The following WLS variants were observed in gnomAD, a reference collection of about 807,000 sequenced individuals.
WLS encodes the protein Wnt ligand secretion mediator.
In WLS, 23 loss-of-function variants were observed where a neutral mutation model predicts 62.8. The ratio of observed to expected loss-of-function variants is 0.37; its 90% CI spans 0.26 to 0.52. The LOEUF (loss-of-function observed/expected upper bound fraction) is 0.52, where lower values mean the gene tolerates loss of function less well. Ranked by LOEUF, WLS falls within the 20% of genes least tolerant of loss-of-function variation. The probability of loss-of-function intolerance (pLI) is 0.92; values close to 1 mark genes in which losing one functional copy is unlikely to be tolerated. For missense variants in WLS, 615 were observed against 697.3 expected (o/e 0.88, Z 1.33); for synonymous variants, 246 against 244.1 (o/e 1.01, Z -0.07).
intron 11 of WLS, among the ~76,000 whole-genome samples, chr1:68,110,701 A>G (rs944667991): frequency 3.4e-5 from 5 of 146,614 alleles, no homozygotes; most frequent in African/African-American, 7.7e-5. Flanking sequence ...CCATATATAT[A>G]TGTGTGTGTA....
chr1:68,112,546 C>G (rs1646241675), intron 11 of WLS, among the ~76,000 whole-genome samples: 1 of 152,214 alleles, frequency 6.6e-6, no homozygotes, highest in Non-Finnish European at 1.5e-5. Flanking sequence ...TCATTGCCAC[C>G]CAAATAATGC....
chr1:68,220,616 T>C (rs568385096), intron 1 of WLS, among the ~76,000 whole-genome samples: 23 of 152,344 alleles, frequency 1.5e-4, no homozygotes, highest in Non-Finnish European at 2.4e-4. Context: ...TCCATCACTT[T>C]GAATGGAGAG....
intron 1 of WLS, among the ~76,000 whole-genome samples, chr1:68,194,886 C>T (rs1220195201): frequency 6.6e-6 from 1 of 152,142 alleles, no homozygotes; most frequent in African/African-American, 2.4e-5. Context: ...GACAGCAAAG[C>T]AACTTTGAAA....
At position 68,232,275 on chromosome 1, in the gene WLS, T is replaced by G. The variant is rs746323384; in HGVS notation, c.25A>C (p.Met9Leu). Reference protein sequence around the residue: MAGAIIENMSTKKLCIVGG... With the variant: MAGAIIENLSTKKLCIVGG... The stretch of plus-strand genomic sequence containing the variant: ...ACAATGCACAGCTTCTTGGTGCTCA[T>G]GTTTTCTATAATTGCCCCAGCCATT... Residue 9 changes from methionine to leucine, a missense_variant, in exon 1 of 12, where the codon ATG (methionine) becomes CTG (leucine). Transcript: ENST00000262348. The G allele has an allele frequency of 1.9e-6, 3 of 1,613,970 alleles. No homozygotes were observed. The Admixed American group carries it at 5.0e-5, about 27-fold the overall frequency.
intron 11 of WLS, among the ~76,000 whole-genome samples, chr1:68,115,423 A>G (rs1168101130): frequency 4.6e-5 from 7 of 152,212 alleles, no homozygotes; most frequent in Non-Finnish European, 8.8e-5. Context: ...TGGGGCCTAG[A>G]GCCAATTCAT....
chr1:68,131,949 G>A (rs1410844950), intron 11 of WLS, among the ~76,000 whole-genome samples: 1 of 152,192 alleles, frequency 6.6e-6, no homozygotes, highest in South Asian at 2.1e-4. Context: ...AGAAACCCAC[G>A]TTGGTGATAC....
chr1:68,139,616 C>T (rs1018056365), intron 10 of WLS, among the ~76,000 whole-genome samples: 1 of 152,156 alleles, frequency 6.6e-6, no homozygotes, highest in Admixed American at 6.5e-5. Flanking sequence ...AGTAAGAGAC[C>T]CTATTCCTGC....
At chr1:68,165,979 T>A (rs1647054314) in intron 2 of WLS, among the ~76,000 whole-genome samples, 1 of 152,208 alleles carries the variant, frequency 6.6e-6, no homozygotes, top group South Asian at 2.1e-4. Context: ...TAGATAGGAT[T>A]GCTTCCTTGC....
rs545463971 is a variant in WLS, at chr1:68,156,221, C to T, written c.505-961G>A. On this transcript the variant is annotated intron_variant, in intron 3 of 11. Transcript: ENST00000262348. Reference sequence around the variant, plus strand: ...GATATAGAAGATGAGAGTCTACCATCAATGTTGGGTTTCTATGTCAGCTTC... The same window carrying T: ...GATATAGAAGATGAGAGTCTACCATTAATGTTGGGTTTCTATGTCAGCTTC... Among the ~76,000 whole-genome samples, 4 of 152,264 alleles carry T rather than the reference C, an allele frequency of 2.6e-5. No homozygotes were observed. In the East Asian group the frequency reaches 7.7e-4, roughly 29 times the overall value.
rs779940360 is a variant in WLS, at chr1:68,232,307, C to T, written c.-8G>A. 4.3e-6 allele frequency: 7 copies of T among 1,612,488 alleles called. No homozygotes were observed. Among genetic ancestry groups the T allele is most frequent in the Admixed American group, 3.3e-5 (2 of 59,846 alleles). ...TATAATTGCCCCAGCCATTTTTGCG[C>T]CCCCCCTTTTTCTTTTCTCCTTGAA... On this transcript the variant is annotated 5_prime_UTR_variant, in exon 1 of 12. Transcript: ENST00000262348.
intron 11 of WLS, among the ~76,000 whole-genome samples, chr1:68,118,531 C>T (rs1366248325): frequency 6.6e-6 from 1 of 152,172 alleles, no homozygotes; most frequent in Non-Finnish European, 1.5e-5. Context: ...CACCAATATA[C>T]TTCACAATGA....
At chr1:68,156,680 A>G (rs572802389) in intron 3 of WLS, among the ~76,000 whole-genome samples, 1 of 152,326 alleles carries the variant, frequency 6.6e-6, no homozygotes, top group African/African-American at 2.4e-5. Context: ...GGCATGTGAG[A>G]TTTTTAAAAA....
intron 11 of WLS, among the ~76,000 whole-genome samples, chr1:68,133,489 C>G (rs1007085835): frequency 2.0e-5 from 3 of 152,076 alleles, no homozygotes; most frequent in Non-Finnish European, 4.4e-5. Flanking sequence ...GTCACTCCTT[C>G]GAGCTTCACT....
intron 11 of WLS, among the ~76,000 whole-genome samples, chr1:68,131,689 C>T (rs562592162): frequency 6.6e-6 from 1 of 152,144 alleles, no homozygotes; most frequent in Admixed American, 6.5e-5. Flanking sequence ...TGTATCTCCC[C>T]CAAACTCTCA....
intron 11 of WLS, among the ~76,000 whole-genome samples, chr1:68,129,302 G>A (rs1396139904): frequency 1.4e-5 from 2 of 145,768 alleles, no homozygotes; most frequent in African/African-American, 5.1e-5. Flanking sequence ...TCCAGCCTGG[G>A]TGAGAGAGTG....
intron 2 of WLS, among the ~76,000 whole-genome samples, chr1:68,181,303 T>C (rs546849251): frequency 5.3e-5 from 8 of 152,344 alleles, no homozygotes; most frequent in Non-Finnish European, 7.3e-5. Flanking sequence ...GCTTCTGGCT[T>C]CTCTGCTCTT....
intron 11 of WLS, chr1:68,100,815 C>CT (rs1469175585): frequency 1.3e-5 from 2 of 152,158 alleles, no homozygotes; most frequent in African/African-American, 4.8e-5. Flanking sequence ...AAGGAATAAA[C>CT]TATATTGTAA....
chr1:68,209,472 T>A (rs1303203558), intron 1 of WLS, among the ~76,000 whole-genome samples: 1 of 152,204 alleles, frequency 6.6e-6, no homozygotes, highest in Non-Finnish European at 1.5e-5. Context: ...CAGGGTGATT[T>A]TCATTCTTAT....
At chr1:68,199,380 T>C (rs988445003) in intron 1 of WLS, among the ~76,000 whole-genome samples, 2 of 151,996 alleles carry the variant, frequency 1.3e-5, no homozygotes, top group African/African-American at 4.8e-5. Context: ...GATGCTCCAG[T>C]TGTAAAAAGA....
Sources: allele counts gnomAD v4.1 joint callset (sites outside exome capture counted in the v4.1 genomes callset), GRCh38; gene constraint gnomAD v4.1.1; transcripts MANE v1.5; gene names NCBI Gene and HGNC (gene_info 2026-07-23, HGNC 2026-07-21).